WDR41: variants seen among roughly 807,000 people sequenced by gnomAD.
The protein encoded by WDR41 is WD repeat-containing protein 41.
WDR41 carries 63 observed loss-of-function variants against 69.3 expected under a neutral mutation model. That is an observed-to-expected ratio of 0.91 (90% CI 0.74 to 1.12). The LOEUF is 1.12. WDR41 is among the 50% of genes most tolerant of loss of function. WDR41 has a pLI of 0.00. For synonymous variants in WDR41, 185 were observed against 192.1 expected (o/e 0.96, Z 0.31); for missense variants, 543 against 534.5 (o/e 1.02, Z -0.16).
chr5:77,553,489 A>T (rs1743335753), intron 1 of WDR41, among the ~76,000 whole-genome samples: 1 of 152,242 alleles, frequency 6.6e-6, no homozygotes, highest in Non-Finnish European at 1.5e-5. Context: ...CATAATGGGG[A>T]TTAAGTTTCA....
intron 4 of WDR41, 133 bp from the exon 5 acceptor site, chr5:77,459,257 T>G: frequency 1.7e-6 from 1 of 605,800 alleles, no homozygotes. Flanking sequence ...ATTTAGTGTT[T>G]ATACCACCAC....
rs1294084887 is a variant in WDR41, at chr5:77,449,754, G to A, written c.697+6C>T. 4.4e-6 allele frequency: 7 copies of A among 1,580,398 alleles called. No individual in the cohort carries two copies. Among genetic ancestry groups the A allele is most frequent in the Non-Finnish European group, 6.1e-6 (7 of 1,149,970 alleles). On this transcript the variant is annotated splice_donor_region_variant and intron_variant, in intron 8 of 12. Coordinates refer to ENST00000296679, the MANE Select transcript of WDR41 (RefSeq NM_018268.4). Reference sequence around the variant, plus strand: ...TGTACATAATAAATGTACACAATGAGCTTACCATTGACATTAATCAATGAG... The same window carrying A: ...TGTACATAATAAATGTACACAATGAACTTACCATTGACATTAATCAATGAG...
At chr5:77,512,310 T>C (rs10514104) in intron 1 of WDR41, among the ~76,000 whole-genome samples, 17,419 of 131,950 alleles carry the variant, frequency 0.13, 1,285 homozygotes, top group South Asian at 0.18. Flanking sequence ...AAAGCCATGG[T>C]CTGTAATTAC....
intron 1 of WDR41, among the ~76,000 whole-genome samples, chr5:77,576,415 C>A (rs1007115512): frequency 2.0e-5 from 3 of 152,150 alleles, no homozygotes; most frequent in Non-Finnish European, 4.4e-5. Flanking sequence ...GTCCCACTGA[C>A]TTCTTGACCT....
At chr5:77,497,204 C>T (rs543119469), upstream of WDR41, among the ~76,000 whole-genome samples, 4 of 152,126 alleles carry the variant, frequency 2.6e-5, no homozygotes, top group South Asian at 4.2e-4. Context: ...AATTTAGTGG[C>T]GGTGACACCA....
intron 4 of WDR41, among the ~76,000 whole-genome samples, chr5:77,461,281 A>C (rs1296093397): frequency 6.6e-6 from 1 of 152,204 alleles, no homozygotes; most frequent in Non-Finnish European, 1.5e-5. Context: ...ATAATCACAC[A>C]CAAACATACA....
chr5:77,618,855 G>A (rs879421151), intron 1 of WDR41, among the ~76,000 whole-genome samples: 1 of 152,200 alleles, frequency 6.6e-6, no homozygotes, highest in Non-Finnish European at 1.5e-5. Flanking sequence ...GAAGGGGGAT[G>A]GTTTCAGTGT....
At chr5:77,580,773 G>A (rs1462885632) in intron 1 of WDR41, among the ~76,000 whole-genome samples, 1 of 151,792 alleles carries the variant, frequency 6.6e-6, no homozygotes, top group South Asian at 2.1e-4. Context: ...GGCTAACATC[G>A]TGAAACCTCA....
intron 1 of WDR41, among the ~76,000 whole-genome samples, chr5:77,614,060 G>A (rs1186688005): frequency 1.3e-5 from 2 of 152,078 alleles, no homozygotes; most frequent in East Asian, 3.8e-4. Context: ...CATCATCACT[G>A]GCCATCAGAG....
intron 2 of WDR41, among the ~76,000 whole-genome samples, chr5:77,472,583 A>G (rs1800676450): frequency 6.6e-6 from 1 of 152,196 alleles, no homozygotes; most frequent in African/African-American, 2.4e-5. Context: ...AAGTCTCAGG[A>G]TACAAAATCA....
chr5:77,461,575 T>A (rs1180589232), intron 4 of WDR41, among the ~76,000 whole-genome samples: 1 of 152,220 alleles, frequency 6.6e-6, no homozygotes, highest in Non-Finnish European at 1.5e-5. Context: ...CAGTGGCTCA[T>A]GCCAGTAATC....
At chr5:77,504,130 CA>C (rs1173783738) in intron 1 of WDR41, among the ~76,000 whole-genome samples, 2 of 148,558 alleles carry the variant, frequency 1.3e-5, no homozygotes, top group African/African-American at 5.1e-5. Context: ...AGACTGCTAG[CA>C]AGACTAATAA....
chr5:77,512,437 T>C (rs1232057732), intron 1 of WDR41, among the ~76,000 whole-genome samples: 1 of 148,306 alleles, frequency 6.7e-6, no homozygotes, highest in Non-Finnish European at 1.5e-5. Flanking sequence ...GGTGAGAAAT[T>C]AAAAGTCTTT....
At chr5:77,614,652 G>A (rs1449774887) in intron 1 of WDR41, among the ~76,000 whole-genome samples, 4 of 140,424 alleles carry the variant, frequency 2.8e-5, no homozygotes, top group Non-Finnish European at 6.2e-5. Flanking sequence ...GTTGTGGGGT[G>A]GGGGGGGAGG....
Position 77,511,055 on chromosome 5 carries a change from C to T in WDR41, c.43-21483G>A, listed in dbSNP as rs988965611. On this transcript the variant is annotated intron_variant, in intron 1 of 5. Coordinates refer to the WDR41 transcript ENST00000509971. The stretch of plus-strand genomic sequence containing the variant: ...TACAGGTGTGAGCCACCACACCCAG[C>T]CCAAATTTAATTTTTAAAATTAGAA... Among the ~76,000 whole-genome samples, 27 of 152,048 alleles carry T rather than the reference C, an allele frequency of 1.8e-4. 1 individual carries two copies. Among genetic ancestry groups the T allele is most frequent in the Admixed American group, 1.1e-3 (17 of 15,268 alleles).
At chr5:77,600,620 G>A (rs1176815081) in intron 1 of WDR41, among the ~76,000 whole-genome samples, 4 of 152,120 alleles carry the variant, frequency 2.6e-5, no homozygotes, top group African/African-American at 7.2e-5. Context: ...AGTGGCTCAC[G>A]CCTATAATCC....
chr5:77,513,814 C>CTGAA (rs1802245949), intron 1 of WDR41, among the ~76,000 whole-genome samples: 1 of 152,174 alleles, frequency 6.6e-6, no homozygotes, highest in Non-Finnish European at 1.5e-5. Context: ...AGAAGACCCT[C>CTGAA]TGAATGGTAA....
intron 2 of WDR41, among the ~76,000 whole-genome samples, chr5:77,476,035 C>A (rs1364283053): frequency 6.6e-6 from 1 of 152,000 alleles, no homozygotes; most frequent in Non-Finnish European, 1.5e-5. Context: ...GCAGAAGCCT[C>A]AGAAGCCGAT....
At chr5:77,610,504 C>G (rs1358052724) in intron 1 of WDR41, among the ~76,000 whole-genome samples, 70 of 148,960 alleles carry the variant, frequency 4.7e-4, no homozygotes, top group South Asian at 1.1e-3. Context: ...CAATATTCAA[C>G]ATTCTTAAAG....
Sources: allele counts gnomAD v4.1 joint callset (sites outside exome capture counted in the v4.1 genomes callset), GRCh38; gene constraint gnomAD v4.1.1; transcripts MANE v1.5; gene names NCBI Gene and HGNC (gene_info 2026-07-23, HGNC 2026-07-21).